The following PLCB1 variants were observed in gnomAD, a reference collection of about 807,000 sequenced individuals.
PLCB1 encodes 1-phosphatidylinositol 4,5-bisphosphate phosphodiesterase beta-1.
PLCB1 carries 46 observed loss-of-function variants against 161.8 expected under a neutral mutation model. That is an observed-to-expected ratio of 0.28 (90% CI 0.22 to 0.36). The LOEUF is 0.36. PLCB1 is among the 10% of genes least tolerant of loss of function. The probability of loss-of-function intolerance (pLI) is 1.00; values close to 1 mark genes in which losing one functional copy is unlikely to be tolerated. For missense variants in PLCB1, 1,016 were observed against 1,472.5 expected, an observed-to-expected ratio of 0.69 and a Z score of 5.07; for synonymous variants, 517 against 503.7, an observed-to-expected ratio of 1.03 and a Z score of -0.35.
At chr20:8,207,481 C>T (rs1254598839) in intron 2 of PLCB1, among the ~76,000 whole-genome samples, 3 of 151,584 alleles carry the variant, frequency 2.0e-5, no homozygotes. Flanking sequence ...GGGTACTTAC[C>T]AAACACTGTG....
At chr20:8,671,099 A>T (rs1989931553) in intron 9 of PLCB1, among the ~76,000 whole-genome samples, 1 of 152,184 alleles carries the variant, frequency 6.6e-6, no homozygotes, top group Non-Finnish European at 1.5e-5. Flanking sequence ...CCTAATTGGC[A>T]TTTGGCACAG....
chr20:8,788,672 G>T lies in PLCB1; in HGVS notation c.3228G>T (p.Arg1076Ser). The T allele has an allele frequency of 6.2e-7, 1 of 1,611,850 alleles. No individual in the cohort carries two copies. Among genetic ancestry groups the T allele is most frequent in the South Asian group, 1.1e-5 (1 of 90,464 alleles). Residue 1076 changes from arginine (R) to serine (S), a missense_variant, in exon 29 of 32, where the codon AGG becomes AGT. By Grantham distance (110) the Arg-to-Ser change is moderately radical. This residue lies in a region of PLCB1 where 398 missense variants were observed against 445.4 expected (regional missense o/e 0.89). Transcript: ENST00000338037. The part of the protein sequence containing the change: ...KELKKKMDKK[R>S]QEKITEAKSK... ...TAAAGAAGAAAATGGATAAAAAGAG[G>T]CAGGAGAAGATAACAGAAGCTAAAT...
rs1986506659 is a variant in PLCB1, at chr20:8,841,627, A to T, written c.3424-39995A>T. On this transcript the variant is annotated intron_variant, in intron 31 of 31. Transcript: ENST00000338037. ...TTGCTGGCAAGGGGTATATGTGTGCATGCAACTCCTGACTTATATCTCCAC... is the reference window on the plus strand; with the variant it reads ...TTGCTGGCAAGGGGTATATGTGTGCTTGCAACTCCTGACTTATATCTCCAC... Among the ~76,000 whole-genome samples, 3 of 152,332 alleles carry T rather than the reference A, an allele frequency of 2.0e-5. No individual in the cohort carries two copies. In the South Asian group the frequency reaches 6.2e-4, roughly 32 times the overall value.
intron 11 of PLCB1, among the ~76,000 whole-genome samples, chr20:8,704,323 C>T (rs1978541796): frequency 6.6e-6 from 1 of 150,956 alleles, no homozygotes; most frequent in Non-Finnish European, 1.5e-5. Context: ...TACAGCACTC[C>T]AGCCTGGGCA....
At chr20:8,518,904 G>C (rs889831412) in intron 3 of PLCB1, among the ~76,000 whole-genome samples, 3 of 151,684 alleles carry the variant, frequency 2.0e-5, no homozygotes, top group Non-Finnish European at 4.4e-5. Context: ...TTCTCATAAG[G>C]AGCATGCAAA....
chr20:8,428,469 C>T (rs1030814428), intron 3 of PLCB1, among the ~76,000 whole-genome samples: 3 of 152,228 alleles, frequency 2.0e-5, no homozygotes, highest in African/African-American at 7.2e-5. Flanking sequence ...GATCCACCCA[C>T]CTTGGCCTCC....
chr20:8,550,447 T>G (rs1472847863), intron 3 of PLCB1, among the ~76,000 whole-genome samples: 1 of 152,090 alleles, frequency 6.6e-6, no homozygotes, highest in Non-Finnish European at 1.5e-5. Context: ...GATGGTCATA[T>G]AAAGGGCTTC....
intron 2 of PLCB1, among the ~76,000 whole-genome samples, chr20:8,363,936 A>G (rs913634570): frequency 1.3e-4 from 20 of 152,318 alleles, no homozygotes; most frequent in African/African-American, 3.1e-4. Flanking sequence ...TTGTTTTACA[A>G]TTCTTGGTAT....
At chr20:8,785,246 C>A (rs1165467682) in intron 27 of PLCB1, among the ~76,000 whole-genome samples, 1 of 152,140 alleles carries the variant, frequency 6.6e-6, no homozygotes, top group Admixed American at 6.5e-5. Context: ...CAAGACAATG[C>A]TTTTCAAACT....
intron 4 of PLCB1, among the ~76,000 whole-genome samples, chr20:8,644,320 G>T (rs1452200402): frequency 2.4e-4 from 36 of 149,204 alleles, no homozygotes; most frequent in African/African-American, 6.0e-4. Context: ...GAGCGTCTCT[G>T]CCCGGCCGCC....
intron 3 of PLCB1, among the ~76,000 whole-genome samples, chr20:8,440,488 G>T (rs192877455): frequency 2.0e-5 from 3 of 152,292 alleles, no homozygotes; most frequent in East Asian, 3.9e-4. Context: ...TCCAGGAATT[G>T]ATTGTTACAT....
intron 26 of PLCB1, among the ~76,000 whole-genome samples, chr20:8,772,004 C>T (rs1982710651): frequency 1.3e-5 from 2 of 151,666 alleles, no homozygotes; most frequent in African/African-American, 4.9e-5. Flanking sequence ...GCCACAGACT[C>T]CCGGGTAGCT....
intron 3 of PLCB1, among the ~76,000 whole-genome samples, chr20:8,591,535 A>G (rs370422446): frequency 6.6e-6 from 1 of 152,346 alleles, no homozygotes; most frequent in South Asian, 2.1e-4. Context: ...ATTTAAATTC[A>G]GTATAAATTC....
intron 2 of PLCB1, among the ~76,000 whole-genome samples, chr20:8,161,719 G>A (rs887646423): frequency 6.6e-6 from 1 of 152,086 alleles, no homozygotes. Flanking sequence ...GGACGCTGCT[G>A]CCTGGGCTTC....
At position 8,455,187 on chromosome 20, in the gene PLCB1, G is replaced by A. The variant is rs574400657; in HGVS notation, c.246+83737G>A. 5.3e-5 allele frequency among the ~76,000 whole-genome samples: 8 copies of A among 151,858 alleles called. No homozygotes were observed. The East Asian group carries it at 7.9e-4, about 15-fold the overall frequency. On this transcript the variant is annotated intron_variant, in intron 3 of 31. Transcript: ENST00000338037. ...CTACTAAAAATACAAAATTAGCTGG[G>A]CGTGGTGGCACACACCTGTAATCCC...
chr20:8,852,707 A>G (rs967017129), intron 31 of PLCB1, among the ~76,000 whole-genome samples: 1 of 152,170 alleles, frequency 6.6e-6, no homozygotes, highest in African/African-American at 2.4e-5. Flanking sequence ...CAAATCTCCA[A>G]AAGCATAGTT....
chr20:8,733,735 C>T (rs1018953326), intron 19 of PLCB1, among the ~76,000 whole-genome samples: 1 of 149,694 alleles, frequency 6.7e-6, no homozygotes, highest in East Asian at 2.0e-4. Flanking sequence ...CACATGTATA[C>T]ATATGTAACT....
intron 3 of PLCB1, among the ~76,000 whole-genome samples, chr20:8,603,738 T>A (rs1410866466): frequency 1.3e-5 from 2 of 152,252 alleles, no homozygotes; most frequent in Non-Finnish European, 2.9e-5. Flanking sequence ...TTTGTAAATG[T>A]GTGTTTCAAC....
At chr20:8,590,829 T>A (rs6039203) in intron 3 of PLCB1, among the ~76,000 whole-genome samples, 1 of 152,028 alleles carries the variant, frequency 6.6e-6, no homozygotes, top group Non-Finnish European at 1.5e-5. Flanking sequence ...TTAATTTTTT[T>A]TTTAAGTTCT....
Sources: allele counts gnomAD v4.1 joint callset (sites outside exome capture counted in the v4.1 genomes callset), GRCh38; gene constraint gnomAD v4.1.1; regional missense constraint gnomAD v4.1.1; transcripts MANE v1.5; gene names NCBI Gene and HGNC (gene_info 2026-07-23, HGNC 2026-07-21).